FOXRED1: variants seen among roughly 807,000 people sequenced by gnomAD.
FOXRED1 encodes FAD dependent oxidoreductase domain containing 1, also known as FAD-dependent oxidoreductase domain-containing protein 1.
FOXRED1 carries 52 observed loss-of-function variants against 57.8 expected under a neutral mutation model. That is an observed-to-expected ratio of 0.90 (90% CI 0.72 to 1.13). The LOEUF is 1.13. Among genes scored for constraint, FOXRED1 ranks in the 50% most tolerant of loss-of-function variants. The pLI is 0.00. For synonymous variants in FOXRED1, 271 were observed against 248.3 expected (o/e 1.09, Z -0.86); for missense variants, 589 against 625.2 (o/e 0.94, Z 0.62).
Position 126,277,256 on chromosome 11 carries a change from G to C in FOXRED1, c.1206+81G>C. The C allele has an allele frequency of 4.9e-6, 6 of 1,212,876 alleles. No individual in the cohort carries two copies. Among genetic ancestry groups the C allele is most frequent in the Non-Finnish European group, 7.3e-6 (6 of 817,250 alleles). 75.1% of individuals were successfully genotyped at this position (1,212,876 alleles called of 1,614,324 possible). ...GACAGTGGAGCACATTGGTCCCCTC[G>C]GACCCGTGACTGCCGTAGTCCCTCC... On this transcript the variant is annotated intron_variant, in intron 10 of 10. Transcript: ENST00000263578. This position sits in a 1 kb window ranked among gnomAD's most constrained non-coding sequence, Gnocchi z 6.8.
At chr11:126,276,322 G>GTGTAT in intron 8 of FOXRED1, 72 bp from the exon 9 acceptor site, 1 of 502,894 alleles carries the variant, frequency 2.0e-6, no homozygotes, top group Non-Finnish European at 2.7e-6. Flanking sequence ...TGTGGGGTGT[G>GTGTAT]GGGTGGACAG....
rs745938765 is a variant in FOXRED1 at position 126,274,909 on chromosome 11, C to T, written c.537-18C>T. ...CCCCTCTCTGACACACATACACCGACCCACACGTTTATCTCAGGCAGGAGG... is the reference window on the plus strand; with the variant it reads ...CCCCTCTCTGACACACATACACCGATCCACACGTTTATCTCAGGCAGGAGG... On this transcript the variant is annotated intron_variant, in intron 4 of 10. Transcript: ENST00000263578. This position sits in a 1 kb window ranked among gnomAD's most constrained non-coding sequence, Gnocchi z 4.8. 7 of 1,486,230 alleles carry T rather than the reference C, an allele frequency of 4.7e-6. No homozygotes were observed. The Admixed American group carries it at 8.4e-5, about 18-fold the overall frequency. The allele number at this position is 1,486,230 out of a possible 1,614,324, so 92.1% of individuals were successfully genotyped here. A position where few individuals can be genotyped will look rare whatever the true frequency, so the allele number is the denominator to read the frequency against.
Position 126,277,864 on chromosome 11 carries a change from G to A in FOXRED1, c.*175G>A, listed in dbSNP as rs535630863. ...CTGGGCAGGCACAGGCAGTGAGGCCGAGGCCAATAGCGAGTGATGAGCGGG... is the reference window on the plus strand; with the variant it reads ...CTGGGCAGGCACAGGCAGTGAGGCCAAGGCCAATAGCGAGTGATGAGCGGG... On this transcript the variant is annotated 3_prime_UTR_variant, in exon 11 of 11. Transcript: ENST00000263578. This position sits in a 1 kb window ranked among gnomAD's most constrained non-coding sequence, Gnocchi z 6.8. The A allele has an allele frequency of 2.6e-5, 19 of 732,260 alleles. No homozygotes were observed. The highest frequency in any genetic ancestry group is 2.4e-4 in the Admixed American group (12 of 50,344). The allele number at this position is 732,260 out of a possible 1,614,324, so 45.4% of individuals were successfully genotyped here.
Position 126,271,184 on chromosome 11 carries a change from T to C in FOXRED1, c.86-253T>C. 2.1e-6 allele frequency: 1 copy of C among 477,428 alleles called. No individual in the cohort carries two copies. The highest frequency in any genetic ancestry group is 3.2e-5 in the Admixed American group (1 of 31,264). The allele number at this position is 477,428 out of a possible 1,614,324, so 29.6% of individuals were successfully genotyped here. ...CAGGAGAGGTCTATGCAGGAGGTAA[T>C]GTAGAAAATTAATTTTAGGAAATTG... On this transcript the variant is annotated intron_variant, in intron 1 of 10. Coordinates refer to ENST00000263578, the MANE Select transcript of FOXRED1 (RefSeq NM_017547.4). The surrounding 1 kb of genome is among the most constrained non-coding windows in gnomAD (Gnocchi z 5.3).
rs1220315231 is a variant in FOXRED1, at chr11:126,274,945, T to G, written c.555T>G (p.Val185=). The G allele has an allele frequency of 4.3e-6, 7 of 1,612,568 alleles. No individual in the cohort carries two copies. Among genetic ancestry groups the G allele is most frequent in the Non-Finnish European group, 5.1e-6 (6 of 1,178,630 alleles). Residue 185 remains valine, a synonymous_variant, in exon 5 of 11, where the codon GTT becomes GTG. Transcript: ENST00000263578. This position sits in a 1 kb window ranked among gnomAD's most constrained non-coding sequence, Gnocchi z 4.8. The part of the protein sequence containing the change: ...VKVQRQEGAK[V]SLMSPDQLRN... ...ATCTCAGGCAGGAGGGAGCCAAAGT[T>G]TCTCTGATGTCTCCTGATCAGCTTC... is the stretch of plus-strand genomic sequence containing the variant.
In FOXRED1 at chr11:126,271,733, G is replaced by A. The variant is rs1950991557; in HGVS notation, c.306+76G>A. On this transcript the variant is annotated intron_variant, in intron 2 of 10. Transcript: ENST00000263578. This position sits in a 1 kb window ranked among gnomAD's most constrained non-coding sequence, Gnocchi z 5.3. ...ATTTTATTAAGGACTCTAGCGACAA[G>A]GGAAGGAGAGGAGGGGAAGACCTCA... is the stretch of plus-strand genomic sequence containing the variant. 8.4e-7 allele frequency: 1 copy of A among 1,185,948 alleles called. No homozygotes were observed. The highest frequency in any genetic ancestry group is 1.2e-5 in the South Asian group (1 of 81,134). 73.5% of individuals were successfully genotyped at this position (1,185,948 alleles called of 1,614,324 possible).
chr11:126,269,414 G>A (rs1320749140), intron 1 of FOXRED1, 123 bp downstream of exon 1: 1 of 1,575,418 alleles, frequency 6.3e-7, no homozygotes, highest in Non-Finnish European at 8.6e-7. Flanking sequence ...TTGGGGAAGG[G>A]GGTTAGCTTA....
At chr11:126,269,967 A>G (rs1950932567) in intron 1 of FOXRED1, among the ~76,000 whole-genome samples, 1 of 141,790 alleles carries the variant, frequency 7.1e-6, no homozygotes, top group South Asian at 2.2e-4. Flanking sequence ...AGCCTGGGCG[A>G]CTTAGCGAAA....
At chr11:126,276,576 C>G (rs560409280) in intron 9 of FOXRED1, 53 bp downstream of exon 9, 1 of 1,580,932 alleles carries the variant, frequency 6.3e-7, no homozygotes, top group Non-Finnish European at 8.6e-7. Flanking sequence ...ATAATTGTCA[C>G]GAAACAATCA....
intron 1 of FOXRED1, among the ~76,000 whole-genome samples, chr11:126,270,719 A>T (rs956044101): frequency 1.3e-5 from 2 of 152,234 alleles, no homozygotes; most frequent in Non-Finnish European, 2.9e-5. Context: ...TTCTTAGAGT[A>T]ATGGAAAACT....
chr11:126,274,741 G>T lies in FOXRED1; in HGVS notation c.537-186G>T. On this transcript the variant is annotated intron_variant, in intron 4 of 10. Coordinates refer to ENST00000263578, the MANE Select transcript of FOXRED1 (RefSeq NM_017547.4). This position sits in a 1 kb window ranked among gnomAD's most constrained non-coding sequence, Gnocchi z 4.8. ...GAGTAGGGAAGGAAAGGCAGTCAAGGCTGAAGAGCCTGACTAGGAGGCTTG... is the reference window on the plus strand; with the variant it reads ...GAGTAGGGAAGGAAAGGCAGTCAAGTCTGAAGAGCCTGACTAGGAGGCTTG... 1.5e-6 allele frequency: 1 copy of T among 651,050 alleles called. No homozygotes were observed. Among genetic ancestry groups the T allele is most frequent in the Non-Finnish European group, 2.8e-6 (1 of 354,288 alleles). The allele number at this position is 651,050 out of a possible 1,614,324, so 40.3% of individuals were successfully genotyped here.
At position 126,271,599 on chromosome 11, in the gene FOXRED1, A is replaced by G. The variant is rs1405065321; in HGVS notation, c.248A>G (p.Lys83Arg). The G allele has an allele frequency of 6.2e-7, 1 of 1,614,202 alleles. No homozygotes were observed. The highest frequency in any genetic ancestry group is 1.1e-5 in the South Asian group (1 of 91,086). Residue 83 changes from lysine (K) to arginine (R), a missense_variant, in exon 2 of 11, where the codon AAG becomes AGG. Transcript: ENST00000263578. The surrounding 1 kb of genome is among the most constrained non-coding windows in gnomAD (Gnocchi z 5.3). ...VLGLSVAYWL[K>R]KLESRRGAIR... ...GGCTTGTCTGTGGCCTATTGGCTGAAGAAGCTGGAGAGCAGACGAGGTGCT... is the reference window on the plus strand; with the variant it reads ...GGCTTGTCTGTGGCCTATTGGCTGAGGAAGCTGGAGAGCAGACGAGGTGCT...
At position 126,275,635 on chromosome 11, in the gene FOXRED1, T is replaced by G; in HGVS notation, c.734-159T>G. On this transcript the variant is annotated intron_variant, in intron 6 of 10. Transcript: ENST00000263578. The surrounding 1 kb of genome is among the most constrained non-coding windows in gnomAD (Gnocchi z 5.9). Reference sequence around the variant, plus strand: ...GCACCTGAGCACTGTCCTGTCAGAGTGTGGCCAAGCTCATGCCAGCTCCCT... The same window carrying G: ...GCACCTGAGCACTGTCCTGTCAGAGGGTGGCCAAGCTCATGCCAGCTCCCT... 2.8e-6 allele frequency: 2 copies of G among 721,806 alleles called. No homozygotes were observed. The highest frequency in any genetic ancestry group is 5.0e-6 in the Non-Finnish European group (2 of 401,930). 44.7% of individuals were successfully genotyped at this position (721,806 alleles called of 1,614,324 possible).
In FOXRED1 at chr11:126,276,538, G is replaced by A. The variant is rs1447653834; in HGVS notation, c.1101+15G>A. 1.9e-6 allele frequency: 3 copies of A among 1,602,136 alleles called. No individual in the cohort carries two copies. The highest frequency in any genetic ancestry group is 1.7e-6 in the Non-Finnish European group (2 of 1,173,166). ...GCCCCACTGAGGTAAGCTGAGTGGGGTGGGACATGCTGGCAAGGAGACATA... is the reference window on the plus strand; with the variant it reads ...GCCCCACTGAGGTAAGCTGAGTGGGATGGGACATGCTGGCAAGGAGACATA... On this transcript the variant is annotated intron_variant, in intron 9 of 10. Transcript: ENST00000263578.
rs758408106 is a variant in FOXRED1 at position 126,271,616 on chromosome 11, C to T, written c.265C>T (p.Arg89Ter). The change falls in exon 2 of 11, where the codon CGA becomes TGA. Residue 89 changes from arginine (R) to a stop codon, truncating the protein, a stop_gained. Coordinates refer to ENST00000263578, the MANE Select transcript of FOXRED1 (RefSeq NM_017547.4). LOFTEE classifies it high-confidence loss of function. This position sits in a 1 kb window ranked among gnomAD's most constrained non-coding sequence, Gnocchi z 5.3. ...AYWLKKLESR[R>*]GAIRVLVVER... ...TTGGCTGAAGAAGCTGGAGAGCAGA[C>T]GAGGTGCTATTCGAGTGCTAGTGGT... 4.3e-6 allele frequency: 7 copies of T among 1,613,958 alleles called. No homozygotes were observed. The highest frequency in any genetic ancestry group is 1.3e-5 in the African/African-American group (1 of 74,872).
rs1432560483 is a variant in FOXRED1, at chr11:126,272,908, A to C, written c.307-61A>C. On this transcript the variant is annotated intron_variant, in intron 2 of 10. Coordinates refer to ENST00000263578, the MANE Select transcript of FOXRED1 (RefSeq NM_017547.4). This position sits in a 1 kb window ranked among gnomAD's most constrained non-coding sequence, Gnocchi z 4.6. ...GTGTATAGCTCGAAGCTTTCATTGC[A>C]GTATTCTAGTCACATGTGATAGGGT... is the stretch of plus-strand genomic sequence containing the variant. 4.7e-6 allele frequency: 4 copies of C among 850,482 alleles called. No individual in the cohort carries two copies. The highest frequency in any genetic ancestry group is 8.3e-6 in the Non-Finnish European group (4 of 482,216). 52.7% of individuals were successfully genotyped at this position (850,482 alleles called of 1,614,324 possible).
In FOXRED1 at chr11:126,277,426, C is replaced by T. The variant is rs1951184132; in HGVS notation, c.1207-9C>T. 1 of 1,612,826 alleles carries T rather than the reference C, an allele frequency of 6.2e-7. No individual in the cohort carries two copies. Among genetic ancestry groups the T allele is most frequent in the Admixed American group, 1.7e-5 (1 of 60,020 alleles). On this transcript the variant is annotated splice_polypyrimidine_tract_variant and intron_variant, in intron 10 of 10. Transcript: ENST00000263578. This position sits in a 1 kb window ranked among gnomAD's most constrained non-coding sequence, Gnocchi z 6.8. ...TTCCCGAGAACCCCAGTGTTTTGTG[C>T]ACCCGCAGGTTCAGAGCGCCTGGGC...
In FOXRED1 at chr11:126,275,262, A is replaced by G. The variant is rs1378513065; in HGVS notation, c.632-65A>G. The G allele has an allele frequency of 1.6e-6, 2 of 1,242,920 alleles. No homozygotes were observed. Among genetic ancestry groups the G allele is most frequent in the African/African-American group, 2.9e-5 (2 of 67,864 alleles). 77.0% of individuals were successfully genotyped at this position (1,242,920 alleles called of 1,614,324 possible). A position where few individuals can be genotyped will look rare whatever the true frequency, so the allele number is the denominator to read the frequency against. Reference sequence around the variant, plus strand: ...GCCCTAGAGAGGGGTTGGGGGGCACAGGAAATACAATCCAAGAGCAGAAGT... The same window carrying G: ...GCCCTAGAGAGGGGTTGGGGGGCACGGGAAATACAATCCAAGAGCAGAAGT... On this transcript the variant is annotated intron_variant, in intron 5 of 10. Coordinates refer to ENST00000263578, the MANE Select transcript of FOXRED1 (RefSeq NM_017547.4). The surrounding 1 kb of genome is among the most constrained non-coding windows in gnomAD (Gnocchi z 5.9).
At position 126,273,804 on chromosome 11, in the gene FOXRED1, A is replaced by G. The variant is rs651864; in HGVS notation, c.536+350A>G. The G allele has an allele frequency of 0.25, 82,354 of 334,826 alleles. 12,279 individuals are homozygous for G. Among genetic ancestry groups the G allele is most frequent in the East Asian group, 0.65 (8,988 of 13,832 alleles). The allele number at this position is 334,826 out of a possible 1,614,324, so 20.7% of individuals were successfully genotyped here. Reference sequence around the variant, plus strand: ...AAACTTTTTCTGTAAAGGGCCAGATAGTATATATTTTAGGTTTTGCTGGCC... The same window carrying G: ...AAACTTTTTCTGTAAAGGGCCAGATGGTATATATTTTAGGTTTTGCTGGCC... On this transcript the variant is annotated intron_variant, in intron 4 of 10. Coordinates refer to ENST00000263578, the MANE Select transcript of FOXRED1 (RefSeq NM_017547.4). This position sits in a 1 kb window ranked among gnomAD's most constrained non-coding sequence, Gnocchi z 5.9.
Sources: allele counts gnomAD v4.1 joint callset (sites outside exome capture counted in the v4.1 genomes callset), GRCh38; gene constraint gnomAD v4.1.1; non-coding constraint Gnocchi (gnomAD v3.1); transcripts MANE v1.5; gene names NCBI Gene and HGNC (gene_info 2026-07-23, HGNC 2026-07-21).